COL3A1: variants seen among roughly 807,000 people sequenced by gnomAD.
COL3A1 encodes collagen type III alpha 1 chain.
Under a neutral mutation model 200.9 loss-of-function variants are expected in COL3A1, and 46 were observed. That is an observed-to-expected ratio of 0.23 (90% CI 0.18 to 0.29). COL3A1 has a LOEUF of 0.29. Among genes scored for constraint, COL3A1 ranks in the 10% least tolerant of loss-of-function variants. The pLI is 1.00. For synonymous variants in COL3A1, 650 were observed against 628.0 expected (o/e 1.03, Z -0.52); for missense variants, 1,367 against 1,917.6 (o/e 0.71, Z 5.36).
intron 11 of COL3A1, among the ~76,000 whole-genome samples, 182 bp from the exon 12 acceptor site, chr2:188,991,305 T>C (rs757047454): frequency 1.3e-5 from 2 of 152,148 alleles, no homozygotes; most frequent in Non-Finnish European, 2.9e-5. Flanking sequence ...ACTTTAGTCT[T>C]TAAGTTTTTA....
chr2:189,005,300 A>T, intron 40 of COL3A1, 50 bp from the exon 41 acceptor site: 1 of 1,459,100 alleles, frequency 6.9e-7, no homozygotes, highest in Non-Finnish European at 9.6e-7. Context: ...ACACCATTTT[A>T]ATTGATTTCT....
chr2:189,011,501 T>C, intron 50 of COL3A1, 127 bp from the exon 51 acceptor site: 1 of 1,031,520 alleles, frequency 9.7e-7, no homozygotes, highest in East Asian at 2.5e-5. Flanking sequence ...AGGTCTCATA[T>C]ACATGAATAA....
Position 189,004,043 on chromosome 2 carries a change from C to T in COL3A1, c.2723C>T (p.Ala908Val), listed in dbSNP as rs144036995. ...GGCAAGGATGGGCCCCCAGGTCCTGCGGGTAACACTGGTGCTCCTGGCAGC... is the reference window on the plus strand; with the variant it reads ...GGCAAGGATGGGCCCCCAGGTCCTGTGGGTAACACTGGTGCTCCTGGCAGC... ...SPGKDGPPGP[A>V]GNTGAPGSPG... The change falls in exon 39 of 51, where the codon GCG (alanine) becomes GTG (valine). Residue 908 changes from alanine to valine, a missense_variant. By Grantham distance (64) the Ala-to-Val change is moderately conservative. Around this residue, in one of 5 missense-constraint regions of COL3A1, gnomAD observed 846 missense variants for 1,147.9 expected, o/e 0.74. Transcript: ENST00000304636. The T allele has an allele frequency of 3.3e-5, 53 of 1,612,970 alleles. No homozygotes were observed. The highest frequency in any genetic ancestry group is 8.3e-5 in the Admixed American group (5 of 59,972).
intron 29 of COL3A1, 71 bp downstream of exon 29, chr2:188,998,789 T>A (rs1258692641): frequency 7.3e-7 from 1 of 1,374,680 alleles, no homozygotes; most frequent in Non-Finnish European, 1.0e-6. Flanking sequence ...ATATTTTTAG[T>A]ATATCAAGCC....
Position 189,001,434 on chromosome 2 carries a change from G to A in COL3A1, c.2321G>A (p.Gly774Asp). ...TGPIGPPGPAGQPGDKGEGGA... is the reference protein window; with the variant it reads ...TGPIGPPGPADQPGDKGEGGA... ...CCTATTGGTCCTCCTGGCCCAGCTG[G>A]CCAGCCTGGAGATAAGGTAACCCTT... Residue 774 changes from glycine (G) to aspartate (D), a missense_variant, in exon 33 of 51, where the codon GGC (glycine) becomes GAC (aspartate). Physicochemically the swap from Gly to Asp is moderately conservative, Grantham distance 94. Coordinates refer to ENST00000304636, the MANE Select transcript of COL3A1 (RefSeq NM_000090.4). The A allele has an allele frequency of 6.2e-7, 1 of 1,613,978 alleles. No individual in the cohort carries two copies. Among genetic ancestry groups the A allele is most frequent in the Non-Finnish European group, 8.5e-7 (1 of 1,179,900 alleles).
chr2:188,980,365 ATTAAT>A (rs1378717454), intron 1 of COL3A1, among the ~76,000 whole-genome samples: 17 of 44,636 alleles, frequency 3.8e-4, no homozygotes, highest in African/African-American at 2.5e-3. Context: ...ATTCTAAAAG[ATTAAT>A]CTTTTAGACA....
chr2:188,998,217 A>G (rs1169613618), intron 27 of COL3A1, 49 bp from the exon 28 acceptor site: 3 of 1,538,850 alleles, frequency 1.9e-6, no homozygotes, highest in East Asian at 2.2e-5. Context: ...AAGCTTTTCT[A>G]TAAGCCATGT....
chr2:189,011,944 C>G lies in COL3A1; in HGVS notation c.*170C>G, dbSNP rs1197285868. 5 of 708,216 alleles carry G rather than the reference C, an allele frequency of 7.1e-6. No individual in the cohort carries two copies. Among genetic ancestry groups the G allele is most frequent in the Non-Finnish European group, 7.0e-6 (3 of 429,028 alleles). The allele number at this position is 708,216 out of a possible 1,614,324, so 43.9% of individuals were successfully genotyped here. A position where few individuals can be genotyped will look rare whatever the true frequency, so the allele number is the denominator to read the frequency against. On this transcript the variant is annotated 3_prime_UTR_variant, in exon 51 of 51. Transcript: ENST00000304636. ...GAAAAATGATACTTCTCTTTTTTTG[C>G]TGTTCCACCAAATACAATTCAAATG...
At chr2:188,995,238 C>T in intron 21 of COL3A1, 139 bp downstream of exon 21, 1 of 812,648 alleles carries the variant, frequency 1.2e-6, no homozygotes, top group Non-Finnish European at 2.0e-6. Flanking sequence ...TATAATGCAT[C>T]CTCTGTTCAA....
intron 4 of COL3A1, 25 bp from the exon 5 acceptor site, chr2:188,987,034 A>C: frequency 1.0e-5 from 16 of 1,580,212 alleles, no homozygotes; most frequent in Non-Finnish European, 1.4e-5. Context: ...TAAAATGATC[A>C]TATCTATTTG....
At position 188,994,636 on chromosome 2, in the gene COL3A1, T is replaced by C. The variant is rs1349001025; in HGVS notation, c.1347+42T>C. 6.2e-7 allele frequency: 1 copy of C among 1,613,484 alleles called. No individual in the cohort carries two copies. ...CAGATCTGGTTATTTCTTGAAAAAA[T>C]GCAACATAATTAGAAAGTAAACAGG... On this transcript the variant is annotated intron_variant, in intron 19 of 50. Transcript: ENST00000304636. The surrounding 1 kb of genome is among the most constrained non-coding windows in gnomAD (Gnocchi z 4.5).
chr2:189,002,163 C>G (rs897741122), intron 34 of COL3A1, 135 bp from the exon 35 acceptor site: 27 of 748,864 alleles, frequency 3.6e-5, no homozygotes, highest in Non-Finnish European at 6.4e-5. Flanking sequence ...GTGGCAAAGT[C>G]TTCAGAAGTT....
At chr2:189,009,942 T>C (rs1363068720) in intron 48 of COL3A1, among the ~76,000 whole-genome samples, 1 of 152,194 alleles carries the variant, frequency 6.6e-6, no homozygotes, top group Non-Finnish European at 1.5e-5. Flanking sequence ...AGGTCTTAGC[T>C]TAGTGTATCA....
At chr2:189,005,302 T>A in intron 40 of COL3A1, 48 bp from the exon 41 acceptor site, 2 of 1,481,166 alleles carry the variant, frequency 1.4e-6, no homozygotes, top group Non-Finnish European at 1.9e-6. Context: ...ACCATTTTAA[T>A]TGATTTCTTA....
chr2:189,010,095 G>A (rs1688687035), intron 48 of COL3A1, 83 bp from the exon 49 acceptor site: 1 of 1,318,534 alleles, frequency 7.6e-7, no homozygotes. Context: ...TCAACATTAT[G>A]AATGCCTTTA....
intron 40 of COL3A1, 117 bp downstream of exon 40, chr2:189,004,481 A>T (rs1224889881): frequency 8.8e-6 from 8 of 905,240 alleles, no homozygotes; most frequent in African/African-American, 5.1e-5. Flanking sequence ...CCAGGAGATA[A>T]TTTTTTTTTA....
Position 189,009,144 on chromosome 2 carries a change from T to C in COL3A1, c.3746T>C (p.Ile1249Thr), listed in dbSNP as rs1266441137. 6.2e-7 allele frequency: 1 copy of C among 1,614,222 alleles called. No homozygotes were observed. The highest frequency in any genetic ancestry group is 1.7e-5 in the Admixed American group (1 of 60,024). ...KSVNGQIESL[I>T]SPDGSRKNPA... is the part of the protein sequence containing the mutation. The stretch of plus-strand genomic sequence containing the variant: ...GTTAATGGACAAATAGAAAGCCTCA[T>C]TAGTCCTGATGGTTCTCGTAAAAAC... The change falls in exon 48 of 51, where the codon ATT becomes ACT. Residue 1249 changes from isoleucine to threonine, a missense_variant. By Grantham distance (89) the Ile-to-Thr change is moderately conservative (BLOSUM62 -1). Coordinates refer to ENST00000304636, the MANE Select transcript of COL3A1 (RefSeq NM_000090.4).
intron 11 of COL3A1, 142 bp downstream of exon 11, chr2:188,991,199 T>G (rs1463789086): frequency 3.5e-6 from 3 of 845,162 alleles, no homozygotes. Flanking sequence ...TGGTAACCAA[T>G]TCAGATATTC....
chr2:188,981,379 T>C (rs1687949141), intron 1 of COL3A1, among the ~76,000 whole-genome samples: 1 of 151,414 alleles, frequency 6.6e-6, no homozygotes, highest in African/African-American at 2.4e-5. Flanking sequence ...TCTTTCAGAA[T>C]TGTACTTCGT....
Sources: gnomAD v4.1 joint callset for allele counts (sites outside exome capture counted in the v4.1 genomes callset) on GRCh38, gnomAD v4.1.1 for gene constraint, gnomAD v4.1.1 regional missense constraint, Gnocchi (gnomAD v3.1) non-coding constraint, MANE v1.5 for transcripts, NCBI Gene and HGNC (gene_info 2026-07-23, HGNC 2026-07-21) for gene names.